Variants in STATH observed in about 807,000 individuals in gnomAD.
The protein encoded by STATH is statherin.
Under a neutral mutation model 13.3 loss-of-function variants are expected in STATH, and 11 were observed. That is an observed-to-expected ratio of 0.83 (90% CI 0.52 to 1.37). STATH has a LOEUF of 1.37. STATH is among the 40% of genes most tolerant of loss of function. STATH has a pLI of 0.00. For missense variants in STATH, 78 were observed against 73.3 expected (o/e 1.06, Z -0.24); for synonymous variants, 25 against 23.6 (o/e 1.06, Z -0.17).
rs761929812 is a variant in STATH at position 70,000,883 on chromosome 4, G to T, written c.123G>T (p.Gln41His). 4.3e-6 allele frequency: 7 copies of T among 1,611,894 alleles called. No individual in the cohort carries two copies. In the South Asian group the frequency reaches 7.7e-5, roughly 18 times the overall value. Reference protein sequence around the residue: ...GRFGYGYGPYQPVPEQPLYPQ... With the variant: ...GRFGYGYGPYHPVPEQPLYPQ... ...TACAGTATGGGTATGGCCCTTATCA[G>T]CCAGTTCCAGAACAACCACTATACC... The change falls in exon 5 of 6, where the codon CAG becomes CAT. Residue 41 changes from glutamine to histidine, a missense_variant. Transcript: ENST00000246895.
At chr4:69,998,761 A>G (rs1724573108) in intron 2 of STATH, 1 of 257,446 alleles carries the variant, frequency 3.9e-6, no homozygotes, top group South Asian at 1.4e-4. Flanking sequence ...TGGAACTGAG[A>G]GCTTCTAAAA....
At chr4:70,001,478 T>C (rs1267546456) in intron 5 of STATH, among the ~76,000 whole-genome samples, 4 of 151,820 alleles carry the variant, frequency 2.6e-5, no homozygotes, top group Non-Finnish European at 4.4e-5. Flanking sequence ...AGCTTCCATC[T>C]GGGAACCATC....
intron 1 of STATH, among the ~76,000 whole-genome samples, chr4:69,997,878 T>G (rs911826390): frequency 1.8e-4 from 28 of 152,180 alleles, no homozygotes; most frequent in Non-Finnish European, 3.2e-4. Context: ...TGCCCATTGC[T>G]GGTCATTCTA....
chr4:69,999,216 C>A (rs1360917960), intron 2 of STATH: 1 of 154,698 alleles, frequency 6.5e-6, no homozygotes, highest in Non-Finnish European at 1.4e-5. Context: ...TATAAAATCA[C>A]AGTATACCAC....
intron 1 of STATH, 69 bp from the exon 2 acceptor site, chr4:69,998,354 T>C (rs1724563526): frequency 2.6e-6 from 3 of 1,164,214 alleles, no homozygotes; most frequent in Non-Finnish European, 2.5e-6. Context: ...GAGCGTAGTA[T>C]AATCAATAAA....
At chr4:70,000,504 T>A (rs776826) in intron 4 of STATH, 5,855 of 190,726 alleles carry the variant, frequency 0.031, 335 homozygotes, top group African/African-American at 0.12. Context: ...ATAAGCTGAA[T>A]TTAGTAAATG....
At chr4:69,999,718 T>G in intron 3 of STATH, 31 bp downstream of exon 3, 2 of 1,611,610 alleles carry the variant, frequency 1.2e-6, no homozygotes, top group Non-Finnish European at 1.7e-6. Flanking sequence ...GGAAAACTTG[T>G]TTTCAGTTTT....
intron 1 of STATH, 29 bp downstream of exon 1, chr4:69,996,054 T>C (rs2109678545): frequency 6.6e-6 from 1 of 152,326 alleles, no homozygotes; most frequent in South Asian, 2.1e-4. Flanking sequence ...ATCGAATATG[T>C]TGTCTTAATC....
At chr4:70,000,019 A>G (rs531310187) in intron 4 of STATH, 1 of 576,120 alleles carries the variant, frequency 1.7e-6, no homozygotes, top group African/African-American at 1.9e-5. Flanking sequence ...GCCAACCTGA[A>G]GAAACCAGTT....
At chr4:69,999,456 T>A (rs1724590715) in intron 2 of STATH, among the ~76,000 whole-genome samples, 1 of 151,878 alleles carries the variant, frequency 6.6e-6, no homozygotes. Context: ...CCAAATAAAT[T>A]TATATTTGAA....
intron 4 of STATH, 140 bp from the exon 5 acceptor site, chr4:70,000,723 T>C: frequency 1.6e-6 from 1 of 638,062 alleles, no homozygotes; most frequent in Non-Finnish European, 2.8e-6. Context: ...AAAAGAAAAA[T>C]CTAATTGAAA....
At chr4:69,996,219 G>A (rs1724499678) in intron 1 of STATH, among the ~76,000 whole-genome samples, 194 bp downstream of exon 1, 1 of 152,068 alleles carries the variant, frequency 6.6e-6, no homozygotes, top group Non-Finnish European at 1.5e-5. Context: ...ATTGAAATCA[G>A]CAATCATCAT....
At chr4:70,000,711 C>A (rs1724633600) in intron 4 of STATH, 152 bp from the exon 5 acceptor site, 18 of 613,600 alleles carry the variant, frequency 2.9e-5, no homozygotes, top group Non-Finnish European at 2.9e-6. Flanking sequence ...TGTTTATAAC[C>A]AAAAAGAAAA....
chr4:69,996,952 T>C (rs1371279908), intron 1 of STATH, among the ~76,000 whole-genome samples: 9 of 149,786 alleles, frequency 6.0e-5, no homozygotes, highest in Admixed American at 3.3e-4. Flanking sequence ...TTTTTTTTAA[T>C]TTGAGACAGA....
At chr4:69,998,324 G>T (rs1225486616) in intron 1 of STATH, 99 bp from the exon 2 acceptor site, 3 of 783,322 alleles carry the variant, frequency 3.8e-6, no homozygotes, top group East Asian at 2.5e-5. Flanking sequence ...TCTATCTGGA[G>T]TGTGTCTCCC....
At chr4:69,997,025 C>T (rs932000757) in intron 1 of STATH, among the ~76,000 whole-genome samples, 7 of 151,306 alleles carry the variant, frequency 4.6e-5, no homozygotes, top group Non-Finnish European at 8.8e-5. Context: ...GCAACCTCCA[C>T]CTCCCGGGCT....
intron 5 of STATH, among the ~76,000 whole-genome samples, 200 bp from the exon 6 acceptor site, chr4:70,001,989 C>A (rs1427235421): frequency 2.0e-5 from 3 of 151,618 alleles, no homozygotes; most frequent in African/African-American, 4.8e-5. Flanking sequence ...ATTGTAGATG[C>A]TGAATGATAA....
At chr4:70,001,810 A>G (rs886200644) in intron 5 of STATH, among the ~76,000 whole-genome samples, 1 of 151,758 alleles carries the variant, frequency 6.6e-6, no homozygotes, top group African/African-American at 2.4e-5. Context: ...CATTAGTGAT[A>G]CAGGGAAGAG....
At chr4:69,997,581 G>C (rs530133553) in intron 1 of STATH, among the ~76,000 whole-genome samples, 1 of 151,966 alleles carries the variant, frequency 6.6e-6, no homozygotes, top group East Asian at 1.9e-4. Context: ...ATAATCTAAC[G>C]TTTTTTGTTT....
Sources: allele counts gnomAD v4.1 joint callset (sites outside exome capture counted in the v4.1 genomes callset), GRCh38; gene constraint gnomAD v4.1.1; transcripts MANE v1.5; gene names NCBI Gene and HGNC (gene_info 2026-07-23, HGNC 2026-07-21).